MACROD2: variants seen among roughly 807,000 people sequenced by gnomAD.
MACROD2 encodes the protein mono-ADP ribosylhydrolase 2, also known as ADP-ribose glycohydrolase MACROD2.
A neutral mutation model predicts 70.4 loss-of-function variants in MACROD2; 36 were observed. That is an observed-to-expected ratio of 0.51 (90% CI 0.39 to 0.68). The LOEUF is 0.68. MACROD2 is among the 30% of genes least tolerant of loss of function. MACROD2 has a pLI of 0.00. For synonymous variants in MACROD2, 172 were observed against 178.8 expected, an observed-to-expected ratio of 0.96 and a Z score of 0.30; for missense variants, 496 against 538.4, an observed-to-expected ratio of 0.92 and a Z score of 0.78.
At chr20:15,588,333 C>A (rs371303665) in intron 8 of MACROD2, among the ~76,000 whole-genome samples, 1 of 152,106 alleles carries the variant, frequency 6.6e-6, no homozygotes, top group East Asian at 1.9e-4. Context: ...TTTTTCCTCC[C>A]GGGCCTCTGA....
intron 5 of MACROD2, among the ~76,000 whole-genome samples, chr20:15,164,772 G>C (rs1304514663): frequency 1.3e-5 from 2 of 152,194 alleles, no homozygotes; most frequent in Non-Finnish European, 2.9e-5. Flanking sequence ...ATGGTGGCTT[G>C]TGCCTGTAGT....
intron 8 of MACROD2, among the ~76,000 whole-genome samples, chr20:15,573,672 C>T (rs1004896414): frequency 1.3e-5 from 2 of 152,078 alleles, no homozygotes; most frequent in Admixed American, 1.3e-4. Context: ...TACTCCTACC[C>T]TTTGGTTCCT....
At chr20:14,783,243 C>T (rs1472933613) in intron 5 of MACROD2, among the ~76,000 whole-genome samples, 2 of 152,112 alleles carry the variant, frequency 1.3e-5, no homozygotes, top group African/African-American at 4.8e-5. Flanking sequence ...AGCAATAGCT[C>T]ACAAAGGCCT....
intron 3 of MACROD2, among the ~76,000 whole-genome samples, chr20:14,215,335 T>TAC (rs1310041778): frequency 0.065 from 6,600 of 101,284 alleles, 204 homozygotes; most frequent in African/African-American, 0.11. Context: ...TGCCATCATA[T>TAC]ATACACACAC....
intron 4 of MACROD2, among the ~76,000 whole-genome samples, chr20:14,614,115 T>A (rs1223091000): frequency 6.6e-6 from 1 of 152,160 alleles, no homozygotes; most frequent in Non-Finnish European, 1.5e-5. Flanking sequence ...TTAAGAGTCA[T>A]AAATTCGGAG....
intron 8 of MACROD2, among the ~76,000 whole-genome samples, chr20:15,612,358 A>G (rs949328338): frequency 2.6e-5 from 4 of 152,154 alleles, no homozygotes; most frequent in Non-Finnish European, 1.5e-5. Context: ...CTGGGAGATA[A>G]TGGTCCCTGA....
chr20:15,333,222 C>G (rs2078011946), intron 6 of MACROD2, among the ~76,000 whole-genome samples: 1 of 151,506 alleles, frequency 6.6e-6, no homozygotes, highest in Non-Finnish European at 1.5e-5. Context: ...ATGAGAAACT[C>G]CAGGTATGGG....
intron 8 of MACROD2, among the ~76,000 whole-genome samples, chr20:15,705,780 CT>C (rs1555866772): frequency 4.0e-5 from 6 of 151,536 alleles, no homozygotes; most frequent in South Asian, 4.2e-4. Flanking sequence ...GTTTACCTTC[CT>C]TTTTTTTTCT....
chr20:16,014,233 C>T (rs946433099), intron 15 of MACROD2, among the ~76,000 whole-genome samples: 3 of 152,218 alleles, frequency 2.0e-5, no homozygotes, highest in African/African-American at 7.2e-5. Context: ...AATTCCAGTT[C>T]TATCACTTTT....
At chr20:14,475,095 TC>T in intron 3 of MACROD2, among the ~76,000 whole-genome samples, 1 of 152,118 alleles carries the variant, frequency 6.6e-6, no homozygotes, top group Middle Eastern at 3.4e-3. Flanking sequence ...GTGTTTTGAT[TC>T]CTTGTTTCTT....
At chr20:14,582,875 G>A (rs1392029625) in intron 4 of MACROD2, among the ~76,000 whole-genome samples, 1 of 152,126 alleles carries the variant, frequency 6.6e-6, no homozygotes, top group Non-Finnish European at 1.5e-5. Context: ...CACAGGAGGA[G>A]GCACAGCTCC....
At chr20:15,670,500 CA>C (rs1362461990) in intron 8 of MACROD2, among the ~76,000 whole-genome samples, 2 of 152,186 alleles carry the variant, frequency 1.3e-5, no homozygotes, top group Non-Finnish European at 2.9e-5. Context: ...ATGTTAAGGA[CA>C]CTTTTCTAGG....
chr20:14,527,915 G>A (rs1309768809), intron 4 of MACROD2, among the ~76,000 whole-genome samples: 5 of 152,074 alleles, frequency 3.3e-5, no homozygotes, highest in African/African-American at 1.2e-4. Flanking sequence ...AAAATGGGCT[G>A]GTTAAATAAG....
intron 10 of MACROD2, among the ~76,000 whole-genome samples, chr20:15,890,481 T>G (rs1163580235): frequency 6.6e-6 from 1 of 152,190 alleles, no homozygotes; most frequent in Admixed American, 6.5e-5. Flanking sequence ...TTGAGCCCAG[T>G]ATTTGCACTC....
intron 5 of MACROD2, among the ~76,000 whole-genome samples, chr20:15,079,063 T>C (rs1414121547): frequency 1.3e-5 from 2 of 152,160 alleles, no homozygotes; most frequent in African/African-American, 4.8e-5. Context: ...GGGTCCTAGA[T>C]GAAAGAAAGA....
intron 5 of MACROD2, among the ~76,000 whole-genome samples, chr20:14,971,365 G>T (rs2074689254): frequency 6.6e-6 from 1 of 151,756 alleles, no homozygotes; most frequent in Non-Finnish European, 1.5e-5. Flanking sequence ...AGGGCTGATT[G>T]TATGATGGAA....
intron 6 of MACROD2, among the ~76,000 whole-genome samples, chr20:15,344,738 T>C (rs1035516531): frequency 1.3e-5 from 2 of 152,194 alleles, no homozygotes; most frequent in African/African-American, 4.8e-5. Flanking sequence ...TTGGTGTTAA[T>C]GGATCCAAGA....
At chr20:14,942,810 G>A (rs1324074231) in intron 5 of MACROD2, among the ~76,000 whole-genome samples, 2 of 152,120 alleles carry the variant, frequency 1.3e-5, no homozygotes, top group Admixed American at 6.5e-5. Flanking sequence ...ACTATTTTAT[G>A]TGTTTGTTTC....
intron 3 of MACROD2, among the ~76,000 whole-genome samples, chr20:14,400,806 TG>T (rs1415651517): frequency 6.6e-6 from 1 of 152,202 alleles, no homozygotes; most frequent in East Asian, 1.9e-4. Context: ...AGTGTATATC[TG>T]GTTCCTGTTA....
Sources: allele counts gnomAD v4.1 joint callset (sites outside exome capture counted in the v4.1 genomes callset), GRCh38; gene constraint gnomAD v4.1.1; transcripts MANE v1.5; gene names NCBI Gene and HGNC (gene_info 2026-07-23, HGNC 2026-07-21).